The following KIF25 variants were observed in gnomAD, a reference collection of about 807,000 sequenced individuals.
The protein encoded by KIF25 is kinesin family member 25.
A neutral mutation model predicts 32.9 loss-of-function variants in KIF25; 19 were observed. The observed-to-expected ratio is 0.58, with a 90% CI of 0.40 to 0.85. KIF25 has a LOEUF of 0.85. KIF25 is among the 40% of genes least tolerant of loss of function. The pLI is 0.00. For missense variants in KIF25, 485 were observed against 507.0 expected (o/e 0.96, Z 0.42); for synonymous variants, 225 against 213.7 (o/e 1.05, Z -0.46).
chr6:168,041,291 C>T (rs1201221595), intron 10 of KIF25, among the ~76,000 whole-genome samples: 1 of 152,204 alleles, frequency 6.6e-6, no homozygotes, highest in Non-Finnish European at 1.5e-5. Flanking sequence ...TGACAATAGC[C>T]CCTGGCCAGC....
chr6:168,030,716 T>C, intron 6 of KIF25, 57 bp from the exon 7 acceptor site: 1 of 1,435,918 alleles, frequency 7.0e-7, no homozygotes, highest in Non-Finnish European at 9.7e-7. Context: ...TGAGTCTGCA[T>C]GCTAGAGCCG....
chr6:168,021,770 G>A (rs74819511), intron 5 of KIF25, among the ~76,000 whole-genome samples: 49 of 152,144 alleles, frequency 3.2e-4, no homozygotes, highest in Admixed American at 2.4e-3. Flanking sequence ...GCATTTTATC[G>A]AAGTCTGGTA....
chr6:168,038,404 T>C, intron 8 of KIF25, 149 bp from the exon 9 acceptor site: 1 of 696,246 alleles, frequency 1.4e-6, no homozygotes. Flanking sequence ...TTTCCCTGAG[T>C]GATCTTCGGG....
At chr6:168,033,197 A>C (rs1462372503) in intron 7 of KIF25, among the ~76,000 whole-genome samples, 1 of 152,146 alleles carries the variant, frequency 6.6e-6, no homozygotes, top group Non-Finnish European at 1.5e-5. Context: ...ACAAAATACA[A>C]AATTTTTCTT....
chr6:168,024,419 CTCTCT>C (rs1342603741), intron 5 of KIF25, among the ~76,000 whole-genome samples: 14 of 132,068 alleles, frequency 1.1e-4, no homozygotes, highest in African/African-American at 4.1e-4. Flanking sequence ...GTAAAAACCT[CTCTCT>C]TTTTTTTTTT....
chr6:168,033,817 T>C, intron 7 of KIF25, 65 bp from the exon 8 acceptor site: 1 of 1,549,138 alleles, frequency 6.5e-7, no homozygotes, highest in Non-Finnish European at 8.8e-7. Flanking sequence ...CAAGTGAAAA[T>C]TTTTCCTGGA....
chr6:168,031,511 G>T lies in KIF25; in HGVS notation c.167+664G>T, dbSNP rs375220926. On this transcript the variant is annotated intron_variant, in intron 7 of 12. Transcript: ENST00000643607. ...ACACAGTGTGCTGCGCGTCCCAAAGGCACATGATCCAACGAGTAGGGTCAA... is the reference window on the plus strand; with the variant it reads ...ACACAGTGTGCTGCGCGTCCCAAAGTCACATGATCCAACGAGTAGGGTCAA... Among the ~76,000 whole-genome samples the T allele has an allele frequency of 5.3e-5, 8 of 152,138 alleles. No homozygotes were observed. The East Asian group carries it at 7.7e-4, about 15-fold the overall frequency.
chr6:168,031,781 G>A (rs1351570966), intron 7 of KIF25, among the ~76,000 whole-genome samples: 2 of 152,208 alleles, frequency 1.3e-5, no homozygotes, highest in African/African-American at 2.4e-5. Flanking sequence ...AGGATAATGC[G>A]AAACAGATGG....
intron 5 of KIF25, among the ~76,000 whole-genome samples, chr6:168,020,732 G>A (rs1233897363): frequency 6.6e-6 from 1 of 151,244 alleles, no homozygotes; most frequent in Admixed American, 6.6e-5. Context: ...TATACAATAA[G>A]CTAACAAAAA....
chr6:168,039,920 T>A lies in KIF25; in HGVS notation c.495-145T>A, dbSNP rs900141632. ...AAGGAAAAAGTTTGCTTTACCATGA[T>A]TTATTGTGCCTGAGACTGGCTTCAG... is the stretch of plus-strand genomic sequence containing the variant. On this transcript the variant is annotated intron_variant, in intron 9 of 12. Transcript: ENST00000643607. The A allele has an allele frequency of 1.1e-4, 111 of 1,020,614 alleles. No individual in the cohort carries two copies. The African/African-American group carries it at 1.7e-3, about 16-fold the overall frequency. 63.2% of individuals were successfully genotyped at this position (1,020,614 alleles called of 1,614,324 possible).
intron 4 of KIF25, among the ~76,000 whole-genome samples, chr6:168,017,404 A>G (rs1038140463): frequency 1.3e-5 from 2 of 152,238 alleles, no homozygotes; most frequent in African/African-American, 4.8e-5. Context: ...TTCTTTGCTT[A>G]AGTGAAACTA....
At chr6:168,021,205 G>A (rs1283003282) in intron 5 of KIF25, among the ~76,000 whole-genome samples, 1 of 152,220 alleles carries the variant, frequency 6.6e-6, no homozygotes, top group Non-Finnish European at 1.5e-5. Context: ...CTCTTTTAAT[G>A]GTGGGGGCTG....
intron 5 of KIF25, among the ~76,000 whole-genome samples, chr6:168,020,467 T>C (rs1798774095): frequency 6.6e-6 from 1 of 151,242 alleles, no homozygotes; most frequent in Non-Finnish European, 1.5e-5. Flanking sequence ...CGCTTTTTCT[T>C]ATTAAAAAAA....
At chr6:168,024,136 C>T (rs1480229967) in intron 5 of KIF25, among the ~76,000 whole-genome samples, 2 of 152,150 alleles carry the variant, frequency 1.3e-5, no homozygotes, top group Non-Finnish European at 2.9e-5. Flanking sequence ...AGCCAGTCTT[C>T]ACGTGCAAAA....
intron 12 of KIF25, among the ~76,000 whole-genome samples, chr6:168,044,457 C>T (rs1474021069): frequency 7.4e-6 from 1 of 134,574 alleles, no homozygotes; most frequent in African/African-American, 2.9e-5. Flanking sequence ...CCCTCCGGGA[C>T]CTGGGTGAGG....
chr6:168,016,802 G>A (rs1798720900), intron 4 of KIF25, among the ~76,000 whole-genome samples: 1 of 152,232 alleles, frequency 6.6e-6, no homozygotes, highest in South Asian at 2.1e-4. Context: ...CCAGGGCGCT[G>A]TTTCATTACA....
chr6:168,042,953 A>G (rs1437563098), intron 12 of KIF25, among the ~76,000 whole-genome samples: 1 of 152,084 alleles, frequency 6.6e-6, no homozygotes, highest in Admixed American at 6.5e-5. Context: ...GTTGGGGCTC[A>G]GTTTCTCAAG....
chr6:168,043,774 G>C (rs766864023), intron 12 of KIF25, among the ~76,000 whole-genome samples: 3 of 152,216 alleles, frequency 2.0e-5, no homozygotes, highest in Admixed American at 1.3e-4. Context: ...CCCTGGCCTT[G>C]GCCTCTGGGG....
intron 4 of KIF25, among the ~76,000 whole-genome samples, chr6:168,006,789 G>C (rs544912237): frequency 5.7e-4 from 86 of 150,576 alleles, no homozygotes; most frequent in Admixed American, 8.6e-4. Flanking sequence ...TACAAGGCCC[G>C]TCACCTGAAT....
Sources: gnomAD v4.1 joint callset for allele counts (sites outside exome capture counted in the v4.1 genomes callset) on GRCh38, gnomAD v4.1.1 for gene constraint, MANE v1.5 for transcripts, NCBI Gene and HGNC (gene_info 2026-07-23, HGNC 2026-07-21) for gene names.